Variants in MEF2A observed in about 807,000 individuals in gnomAD.
The protein encoded by MEF2A is myocyte enhancer factor 2A.
Under a neutral mutation model 55.8 loss-of-function variants are expected in MEF2A, and 28 were observed. The observed-to-expected ratio is 0.50, with a 90% confidence interval of 0.37 to 0.69. The LOEUF is 0.69. Ranked by LOEUF, MEF2A falls within the 30% of genes least tolerant of loss-of-function variation. MEF2A has a pLI of 0.00. For synonymous variants in MEF2A, 239 were observed against 227.1 expected (o/e 1.05, Z -0.47); for missense variants, 528 against 626.2 (o/e 0.84, Z 1.67).
chr15:99,665,124 A>C (rs996345029), intron 4 of MEF2A, among the ~76,000 whole-genome samples: 2 of 152,210 alleles, frequency 1.3e-5, no homozygotes, highest in African/African-American at 2.4e-5. Context: ...TAAGTTAACT[A>C]ATGTCCATCT....
intron 1 of MEF2A, among the ~76,000 whole-genome samples, chr15:99,577,572 C>T (rs891550608): frequency 2.0e-5 from 3 of 152,152 alleles, no homozygotes; most frequent in Non-Finnish European, 4.4e-5. Flanking sequence ...GCTATATAAC[C>T]ATAATGTAAA....
Position 99,710,695 on chromosome 15 carries a change from G to A in MEF2A, c.1071G>A (p.Leu357=), listed in dbSNP as rs1341259644. 2 of 1,613,594 alleles carry A rather than the reference G, an allele frequency of 1.2e-6. No homozygotes were observed. Among genetic ancestry groups the A allele is most frequent in the East Asian group, 4.5e-5 (2 of 44,872 alleles). Reference sequence around the variant, plus strand: ...AAGGCTTCAACTCGCCAGGAATGCTGTCGCTGGGACAGGTGTCGGCCTGGC... The same window carrying A: ...AAGGCTTCAACTCGCCAGGAATGCTATCGCTGGGACAGGTGTCGGCCTGGC... ...ALQGFNSPGM[L]SLGQVSAWQQ... The change falls in exon 11 of 12, where the codon CTG becomes CTA. Residue 357 remains leucine, a synonymous_variant. Transcript: ENST00000557942.
chr15:99,707,740 A>T (rs775566444), intron 10 of MEF2A, among the ~76,000 whole-genome samples: 1 of 152,190 alleles, frequency 6.6e-6, no homozygotes, highest in African/African-American at 2.4e-5. Flanking sequence ...CAGAGAAGTT[A>T]TTATGATTCT....
intron 1 of MEF2A, among the ~76,000 whole-genome samples, chr15:99,570,991 C>A (rs1442625501): frequency 6.6e-6 from 1 of 151,974 alleles, no homozygotes; most frequent in African/African-American, 2.4e-5. Flanking sequence ...TTGAGACCAA[C>A]CTGGCCAACG....
intron 2 of MEF2A, among the ~76,000 whole-genome samples, chr15:99,628,237 A>G (rs1434368394): frequency 6.6e-6 from 1 of 152,124 alleles, no homozygotes; most frequent in African/African-American, 2.4e-5. Context: ...TGCCTCCTGC[A>G]TTCAAGTTTA....
In MEF2A at chr15:99,674,521, A is replaced by G. The variant is rs2153644471; in HGVS notation, c.519A>G (p.Thr173=). 1 of 1,614,016 alleles carries G rather than the reference A, an allele frequency of 6.2e-7. No homozygotes were observed. The highest frequency in any genetic ancestry group is 2.2e-5 in the East Asian group (1 of 44,874). ...CTTTGGCAGCCAGCTCAACGTTAAC[A>G]GATTCAAGCATGCTCTCTCCACCTC... is the stretch of plus-strand genomic sequence containing the variant. ...SPSLAASSTL[T]DSSMLSPPQT... is the part of the protein sequence containing the mutation. Residue 173 remains threonine (T), a synonymous_variant, in exon 6 of 12, where the codon ACA becomes ACG. Transcript: ENST00000557942.
intron 8 of MEF2A, chr15:99,690,722 A>G: frequency 2.0e-6 from 1 of 504,998 alleles, no homozygotes; most frequent in African/African-American, 1.9e-5. Context: ...AGATACTGCA[A>G]GGTCTCACTC....
At chr15:99,694,023 C>T (rs989286595) in intron 8 of MEF2A, among the ~76,000 whole-genome samples, 1 of 152,116 alleles carries the variant, frequency 6.6e-6, no homozygotes, top group East Asian at 1.9e-4. Context: ...AACTGAAATT[C>T]GCAATTTATT....
chr15:99,678,760 CTGAT>C (rs1450675197), intron 7 of MEF2A: 13 of 838,126 alleles, frequency 1.6e-5, no homozygotes, highest in East Asian at 1.2e-4. Flanking sequence ...AATGGAAAGA[CTGAT>C]TGATTTGCTT....
intron 4 of MEF2A, among the ~76,000 whole-genome samples, chr15:99,648,373 G>T (rs750054732): frequency 6.6e-6 from 1 of 151,946 alleles, no homozygotes; most frequent in Non-Finnish European, 1.5e-5. Flanking sequence ...AACCATTGAG[G>T]TATACTTTTA....
rs143268709 is a variant in MEF2A at position 99,612,278 on chromosome 15, G to A, written c.-143+13767G>A. ...AAAACTACAAAAAAATTAGCTGGGC[G>A]CGGTGGTGGGCGTCTGTAGACCCAG... On this transcript the variant is annotated intron_variant, in intron 2 of 11. Coordinates refer to ENST00000557942, the MANE Select transcript of MEF2A (RefSeq NM_001319206.4). 7.1e-3 allele frequency among the ~76,000 whole-genome samples: 1,078 copies of A among 152,056 alleles called. 18 individuals carry two copies. The highest frequency in any genetic ancestry group is 0.024 in the African/African-American group (1,006 of 41,456).
At chr15:99,688,784 T>C (rs932020903) in intron 7 of MEF2A, among the ~76,000 whole-genome samples, 11 of 152,044 alleles carry the variant, frequency 7.2e-5, no homozygotes, top group Non-Finnish European at 1.2e-4. Flanking sequence ...TAAATAAAAA[T>C]AAAATGCTTC....
chr15:99,659,185 CA>C (rs2048232119), intron 4 of MEF2A, among the ~76,000 whole-genome samples: 1 of 151,912 alleles, frequency 6.6e-6, no homozygotes, highest in African/African-American at 2.4e-5. Flanking sequence ...AACAGAGTTA[CA>C]TTCTTTCTGG....
chr15:99,628,354 AATC>A (rs755698435), intron 2 of MEF2A, among the ~76,000 whole-genome samples: 2 of 152,124 alleles, frequency 1.3e-5, no homozygotes, highest in Non-Finnish European at 2.9e-5. Context: ...TGTCCTCTGT[AATC>A]ATCATATAAT....
At chr15:99,615,961 A>T (rs970971499) in intron 2 of MEF2A, among the ~76,000 whole-genome samples, 16 of 152,182 alleles carry the variant, frequency 1.1e-4, no homozygotes, top group African/African-American at 3.9e-4. Context: ...TGGAACTTGG[A>T]TTCAAAATGG....
intron 8 of MEF2A, among the ~76,000 whole-genome samples, chr15:99,694,189 G>A (rs980616466): frequency 6.6e-6 from 1 of 152,152 alleles, no homozygotes; most frequent in African/African-American, 2.4e-5. Flanking sequence ...GTTTTGAGGA[G>A]TACTAGTCAG....
chr15:99,574,203 T>G (rs915867911), intron 1 of MEF2A, among the ~76,000 whole-genome samples: 4 of 152,124 alleles, frequency 2.6e-5, no homozygotes, highest in Non-Finnish European at 5.9e-5. Context: ...ATTTGCAGAG[T>G]GGGTACAAAG....
intron 4 of MEF2A, among the ~76,000 whole-genome samples, chr15:99,659,274 G>A (rs2048248594): frequency 6.6e-6 from 1 of 152,052 alleles, no homozygotes; most frequent in Non-Finnish European, 1.5e-5. Flanking sequence ...GGATTGGGGG[G>A]TGGGGCAGGT....
At chr15:99,655,389 G>C (rs13329194) in intron 4 of MEF2A, among the ~76,000 whole-genome samples, 5,204 of 152,114 alleles carry the variant, frequency 0.034, 318 homozygotes, top group African/African-American at 0.12. Flanking sequence ...CTTTGCATAG[G>C]GGAGTAATCA....
Sources: gnomAD v4.1 joint callset for allele counts (sites outside exome capture counted in the v4.1 genomes callset) on GRCh38, gnomAD v4.1.1 for gene constraint, MANE v1.5 for transcripts, NCBI Gene and HGNC (gene_info 2026-07-23, HGNC 2026-07-21) for gene names.